NIM1K: variants seen among roughly 807,000 people sequenced by gnomAD.
NIM1K encodes the protein serine/threonine-protein kinase NIM1.
NIM1K carries 35 observed loss-of-function variants against 37.1 expected under a neutral mutation model. That is an observed-to-expected ratio of 0.94 (90% CI 0.72 to 1.25). NIM1K has a LOEUF of 1.25. Among genes scored for constraint, NIM1K ranks in the 50% most tolerant of loss-of-function variants. The probability of loss-of-function intolerance (pLI) is 0.00; values close to 1 mark genes in which losing one functional copy is unlikely to be tolerated. For missense variants in NIM1K, 564 were observed against 548.0 expected (o/e 1.03, Z -0.29); for synonymous variants, 234 against 206.6 (o/e 1.13, Z -1.14).
At chr5:43,220,936 G>T (rs769974833) in intron 1 of NIM1K, among the ~76,000 whole-genome samples, 4 of 152,116 alleles carry the variant, frequency 2.6e-5, no homozygotes, top group Non-Finnish European at 5.9e-5. Context: ...GATAAGTCCC[G>T]AGAGTGCAGA....
In NIM1K at chr5:43,245,862, T is replaced by TAGA; in HGVS notation, c.87_88insAGA (p.Cys29_Gln30insArg). ...GGCGCGACAGTGTAGAAAGTGGCTG[T>TAGA]CAGACCGAGAGTAGCAAGGAGGGTG... On this transcript the variant is annotated inframe_insertion, in exon 2 of 4. Transcript: ENST00000326035. 1 of 1,613,948 alleles carries TAGA rather than the reference T, an allele frequency of 6.2e-7. No homozygotes were observed. The highest frequency in any genetic ancestry group is 8.5e-7 in the Non-Finnish European group (1 of 1,179,966).
rs16873226 is a variant in NIM1K, at chr5:43,228,989, C to T, written c.-694-16093C>T. On this transcript the variant is annotated intron_variant, in intron 1 of 3. Transcript: ENST00000326035. The stretch of plus-strand genomic sequence containing the variant: ...AAAAATATAGATGATACTGTTTTGT[C>T]GAAATTAATTTGCTACTCACAAGTG... Among the ~76,000 whole-genome samples, 131 of 152,196 alleles carry T rather than the reference C, an allele frequency of 8.6e-4. 1 individual carries two copies. The East Asian group carries it at 0.023, about 27-fold the overall frequency.
At chr5:43,251,539 A>G (rs926521613) in intron 2 of NIM1K, among the ~76,000 whole-genome samples, 1 of 152,212 alleles carries the variant, frequency 6.6e-6, no homozygotes, top group African/African-American at 2.4e-5. Flanking sequence ...AGGAATTCAC[A>G]TGGAATTGAG....
At chr5:43,232,500 T>C (rs1752554388) in intron 1 of NIM1K, 1 of 1,521,172 alleles carries the variant, frequency 6.6e-7, no homozygotes, top group Non-Finnish European at 9.1e-7. Flanking sequence ...TTCAGTTTAG[T>C]ATAGGTTGGG....
intron 2 of NIM1K, among the ~76,000 whole-genome samples, chr5:43,250,939 T>C (rs1752859104): frequency 6.6e-6 from 1 of 152,186 alleles, no homozygotes; most frequent in Non-Finnish European, 1.5e-5. Context: ...ACTCATTCAG[T>C]AACTTACTAG....
intron 1 of NIM1K, among the ~76,000 whole-genome samples, chr5:43,222,576 GA>G (rs987546781): frequency 6.6e-6 from 1 of 151,356 alleles, no homozygotes; most frequent in Non-Finnish European, 1.5e-5. Flanking sequence ...AAAAAATGAA[GA>G]AAAAAAACTA....
chr5:43,253,309 A>C (rs990660237), intron 2 of NIM1K, among the ~76,000 whole-genome samples: 7 of 150,674 alleles, frequency 4.6e-5, no homozygotes, highest in African/African-American at 1.7e-4. Context: ...AGACAGGAAA[A>C]AATTGATGAG....
At chr5:43,241,849 T>TA (rs1561084299) in intron 1 of NIM1K, among the ~76,000 whole-genome samples, 1 of 151,946 alleles carries the variant, frequency 6.6e-6, no homozygotes, top group Non-Finnish European at 1.5e-5. Context: ...GCTGAGATCA[T>TA]AAAAAAATTT....
intron 1 of NIM1K, among the ~76,000 whole-genome samples, chr5:43,238,985 CT>C (rs1198147484): frequency 6.6e-6 from 1 of 151,292 alleles, no homozygotes; most frequent in Non-Finnish European, 1.5e-5. Flanking sequence ...TCTCACTGCT[CT>C]AACTTCAAAC....
chr5:43,231,424 AAGCCATCTCTTGGTTT>A (rs1342696058), intron 1 of NIM1K, among the ~76,000 whole-genome samples: 12 of 152,322 alleles, frequency 7.9e-5, no homozygotes, highest in Middle Eastern at 3.4e-3. Flanking sequence ...GTGAAAGCTG[AAGCCATCTCTTGGTTT>A]AGCCCCTGCA....
chr5:43,277,821 A>T lies in NIM1K; in HGVS notation c.561+496A>T, dbSNP rs991334684. The stretch of plus-strand genomic sequence containing the variant: ...GTGTGTGTGTGTGTGTGTGTGAGAG[A>T]GAGAGAGAGAGAGAGAGAGAGATGT... On this transcript the variant is annotated intron_variant, in intron 3 of 3. Transcript: ENST00000326035. Among the ~76,000 whole-genome samples the T allele has an allele frequency of 8.9e-4, 127 of 142,136 alleles. 1 individual carries two copies. Among genetic ancestry groups the T allele is most frequent in the African/African-American group, 1.5e-3 (52 of 34,386 alleles). The allele number at this position is 142,136 out of a possible 152,430, so 93.2% of individuals were successfully genotyped here. A position where few individuals can be genotyped will look rare whatever the true frequency, so the allele number is the denominator to read the frequency against.
At chr5:43,277,809 T>A (rs1363573035) in intron 3 of NIM1K, among the ~76,000 whole-genome samples, 16 of 146,862 alleles carry the variant, frequency 1.1e-4, no homozygotes, top group African/African-American at 4.2e-4. Flanking sequence ...TGTGTGTGTG[T>A]GTGTGTGAGA....
chr5:43,275,168 A>T (rs932515722), intron 2 of NIM1K, among the ~76,000 whole-genome samples: 3 of 152,250 alleles, frequency 2.0e-5, no homozygotes, highest in African/African-American at 7.2e-5. Flanking sequence ...CATTTTGGTA[A>T]ATATGCTACC....
chr5:43,227,998 T>C (rs898156902), intron 1 of NIM1K, among the ~76,000 whole-genome samples: 1 of 152,224 alleles, frequency 6.6e-6, no homozygotes, highest in Non-Finnish European at 1.5e-5. Flanking sequence ...GCTGAGACTG[T>C]AACCATGTTC....
At chr5:43,244,195 C>T (rs1441748547) in intron 1 of NIM1K, among the ~76,000 whole-genome samples, 1 of 152,198 alleles carries the variant, frequency 6.6e-6, no homozygotes, top group Non-Finnish European at 1.5e-5. Flanking sequence ...AAGGCAGTCT[C>T]TCATGTTTTC....
intron 1 of NIM1K, among the ~76,000 whole-genome samples, chr5:43,229,811 A>G (rs1366816832): frequency 1.3e-5 from 2 of 150,878 alleles, no homozygotes; most frequent in African/African-American, 2.5e-5. Context: ...TAATTTTTGT[A>G]TTTTTAGTAG....
chr5:43,198,237 C>CTTTCT (rs1751962118), intron 1 of NIM1K, among the ~76,000 whole-genome samples: 1 of 119,214 alleles, frequency 8.4e-6, no homozygotes. Flanking sequence ...TTCTTTCTTT[C>CTTTCT]TTTCTTTCTT....
At chr5:43,268,305 G>A (rs1207674112) in intron 2 of NIM1K, among the ~76,000 whole-genome samples, 1 of 152,220 alleles carries the variant, frequency 6.6e-6, no homozygotes, top group East Asian at 1.9e-4. Context: ...GTCATGCCAT[G>A]TGGTCAAACT....
intron 1 of NIM1K, among the ~76,000 whole-genome samples, chr5:43,238,521 T>C (rs1422230187): frequency 6.6e-6 from 1 of 151,922 alleles, no homozygotes; most frequent in Non-Finnish European, 1.5e-5. Flanking sequence ...GATTGTTTTT[T>C]AGGTTGAGCA....
Sources: gnomAD v4.1 joint callset for allele counts (sites outside exome capture counted in the v4.1 genomes callset) on GRCh38, gnomAD v4.1.1 for gene constraint, MANE v1.5 for transcripts, NCBI Gene and HGNC (gene_info 2026-07-23, HGNC 2026-07-21) for gene names.